The following CMSS1 variants were observed in gnomAD, a reference collection of about 807,000 sequenced individuals.
CMSS1 encodes the protein protein CMSS1.
CMSS1 carries 33 observed loss-of-function variants against 43.5 expected under a neutral mutation model. The observed-to-expected ratio is 0.76, with a 90% CI of 0.57 to 1.01. The LOEUF (loss-of-function observed/expected upper bound fraction) is 1.01. CMSS1 is among the 50% of genes least tolerant of loss of function. The probability of loss-of-function intolerance (pLI) is 0.00; values close to 1 mark genes in which losing one functional copy is unlikely to be tolerated. For synonymous variants in CMSS1, 115 were observed against 117.2 expected, an observed-to-expected ratio of 0.98 and a Z score of 0.12; for missense variants, 313 against 326.4, an observed-to-expected ratio of 0.96 and a Z score of 0.32.
chr3:100,092,114 G>GA (rs1174046228), intron 1 of CMSS1, among the ~76,000 whole-genome samples: 20 of 152,218 alleles, frequency 1.3e-4, no homozygotes, highest in Middle Eastern at 6.8e-3. Flanking sequence ...AAAGAATTTA[G>GA]AAAAAATGCA....
At chr3:100,170,599 A>G (rs2067102287) in intron 6 of CMSS1, among the ~76,000 whole-genome samples, 1 of 152,214 alleles carries the variant, frequency 6.6e-6, no homozygotes, top group Non-Finnish European at 1.5e-5. Context: ...CCCCTCTGTG[A>G]CATAGTGACA....
At chr3:100,029,772 G>A (rs1172789536) in intron 1 of CMSS1, among the ~76,000 whole-genome samples, 2 of 152,074 alleles carry the variant, frequency 1.3e-5, no homozygotes, top group Non-Finnish European at 2.9e-5. Context: ...CTACTAAGAG[G>A]GCTTTTGTAG....
intron 1 of CMSS1, chr3:100,075,674 A>G (rs1191943140): frequency 1.3e-5 from 2 of 151,904 alleles, no homozygotes; most frequent in Non-Finnish European, 2.9e-5. Context: ...CTATAATATA[A>G]ATTCTCGGAA....
At position 99,983,462 on chromosome 3, in the gene CMSS1, GTGTATATATATATATATATATATATATA is replaced by G. The variant is rs1419609740; in HGVS notation, c.65-163509_65-163482del. 7.8e-3 allele frequency among the ~76,000 whole-genome samples: 93 copies of G among 11,966 alleles called. 2 individuals carry two copies. Among genetic ancestry groups the G allele is most frequent in the South Asian group, 0.021 (7 of 340 alleles). 7.9% of individuals were successfully genotyped at this position (11,966 alleles called of 152,430 possible). On this transcript the variant is annotated intron_variant, in intron 1 of 9. Coordinates refer to ENST00000421999, the MANE Select transcript of CMSS1 (RefSeq NM_032359.4). ...TATATGTATGTATATATATATATGT[GTGTATATATATATATATATATATATATA>G]TATATATATATATATATATGTATAT...
chr3:99,897,071 A>G (rs1451610895), intron 1 of CMSS1, among the ~76,000 whole-genome samples: 1 of 152,100 alleles, frequency 6.6e-6, no homozygotes, highest in Non-Finnish European at 1.5e-5. Context: ...AATATTGTCA[A>G]CTTTTGGCCA....
intron 1 of CMSS1, among the ~76,000 whole-genome samples, chr3:99,912,807 G>A (rs1164378227): frequency 6.6e-6 from 1 of 152,192 alleles, no homozygotes; most frequent in Non-Finnish European, 1.5e-5. Flanking sequence ...TAATGCTGCT[G>A]TGAATATTTG....
At chr3:100,070,869 G>A (rs1276419169) in intron 1 of CMSS1, among the ~76,000 whole-genome samples, 2 of 152,150 alleles carry the variant, frequency 1.3e-5, no homozygotes, top group East Asian at 1.9e-4. Context: ...GACTTCAGGC[G>A]ATCTGCCTGC....
At chr3:99,854,753 T>C (rs1943875380) in intron 1 of CMSS1, among the ~76,000 whole-genome samples, 1 of 152,216 alleles carries the variant, frequency 6.6e-6, no homozygotes, top group Non-Finnish European at 1.5e-5. Context: ...TGTGTGTATG[T>C]CAGTCTGTCA....
chr3:99,943,308 C>CT (rs1707906670), intron 1 of CMSS1, among the ~76,000 whole-genome samples: 1 of 152,266 alleles, frequency 6.6e-6, no homozygotes, highest in South Asian at 2.1e-4. Flanking sequence ...AGCCCTGACA[C>CT]TTTTTCAGAA....
At chr3:99,833,516 A>G (rs928048496) in intron 1 of CMSS1, among the ~76,000 whole-genome samples, 2 of 152,202 alleles carry the variant, frequency 1.3e-5, no homozygotes, top group Non-Finnish European at 2.9e-5. Context: ...CCACTTTATC[A>G]TGGAGCACAA....
chr3:99,994,015 G>A (rs1709600736), intron 1 of CMSS1, among the ~76,000 whole-genome samples: 1 of 152,078 alleles, frequency 6.6e-6, no homozygotes, highest in African/African-American at 2.4e-5. Context: ...CTTCCATCTT[G>A]ATTTTTTGGA....
At chr3:99,826,035 C>T (rs1264832540) in intron 1 of CMSS1, among the ~76,000 whole-genome samples, 1 of 152,096 alleles carries the variant, frequency 6.6e-6, no homozygotes, top group East Asian at 1.9e-4. Flanking sequence ...CTCCGCCTCC[C>T]AAAGTGCTAG....
At chr3:99,929,975 G>A in intron 1 of CMSS1, 5 of 1,613,974 alleles carry the variant, frequency 3.1e-6, no homozygotes, top group Non-Finnish European at 4.2e-6. Flanking sequence ...TGAGCTTCCA[G>A]CAAAGCCAGG....
At chr3:100,080,583 G>A (rs1050957649) in intron 1 of CMSS1, among the ~76,000 whole-genome samples, 1 of 152,198 alleles carries the variant, frequency 6.6e-6, no homozygotes, top group African/African-American at 2.4e-5. Context: ...TCTCCTGCCA[G>A]TCTCAGAAAG....
chr3:100,034,168 G>A (rs193084374), intron 1 of CMSS1, among the ~76,000 whole-genome samples: 11 of 152,244 alleles, frequency 7.2e-5, no homozygotes, highest in Admixed American at 1.3e-4. Context: ...TTCCATTGTG[G>A]GGAAAGTTCC....
At position 100,176,335 on chromosome 3, in the gene CMSS1, A is replaced by G. The variant is rs371531506; in HGVS notation, c.676A>G (p.Asn226Asp). 2 of 1,610,980 alleles carry G rather than the reference A, an allele frequency of 1.2e-6. No individual in the cohort carries two copies. The highest frequency in any genetic ancestry group is 3.3e-5 in the Admixed American group (2 of 59,964). ...CTTCCTGTCTCTTTCAGGTGGCCTT[A>G]ATTTGAGCCCCTTAAAATTTCTGGT... ...IKELVKQGGL[N>D]LSPLKFLVFD... The change falls in exon 9 of 10, where the codon AAT (asparagine) becomes GAT (aspartate). Residue 226 changes from asparagine to aspartate, a missense_variant. Physicochemically the swap from Asn to Asp is conservative, Grantham distance 23. Coordinates refer to ENST00000421999, the MANE Select transcript of CMSS1 (RefSeq NM_032359.4).
chr3:100,143,655 A>C (rs192275333), intron 1 of CMSS1, among the ~76,000 whole-genome samples: 1 of 152,172 alleles, frequency 6.6e-6, no homozygotes, highest in South Asian at 2.1e-4. Context: ...AAAGTTTACA[A>C]GTCAATTATG....
chr3:99,987,089 C>T (rs1423148596), intron 1 of CMSS1, among the ~76,000 whole-genome samples: 2 of 151,810 alleles, frequency 1.3e-5, no homozygotes, highest in Non-Finnish European at 2.9e-5. Flanking sequence ...AATTAGCCAA[C>T]CGTGGTGGCA....
intron 1 of CMSS1, among the ~76,000 whole-genome samples, chr3:99,885,033 A>G (rs1166141051): frequency 1.3e-5 from 2 of 152,218 alleles, no homozygotes; most frequent in Admixed American, 6.5e-5. Flanking sequence ...TGTGGACTTG[A>G]GGGAAAAAAC....
Sources: gnomAD v4.1 joint callset for allele counts (sites outside exome capture counted in the v4.1 genomes callset) on GRCh38, gnomAD v4.1.1 for gene constraint, MANE v1.5 for transcripts, NCBI Gene and HGNC (gene_info 2026-07-23, HGNC 2026-07-21) for gene names.